The following TTC17 variants were observed in gnomAD, a reference collection of about 807,000 sequenced individuals.
TTC17 encodes the protein tetratricopeptide repeat protein 17.
Under a neutral mutation model 143.8 loss-of-function variants are expected in TTC17, and 58 were observed. That is an observed-to-expected ratio of 0.40 (90% CI 0.33 to 0.50). The LOEUF (loss-of-function observed/expected upper bound fraction) is 0.50. Among genes scored for constraint, TTC17 ranks in the 20% least tolerant of loss-of-function variants. TTC17 has a pLI of 0.49. For synonymous variants in TTC17, 501 were observed against 497.8 expected (o/e 1.01, Z -0.09); for missense variants, 1,273 against 1,392.5 (o/e 0.91, Z 1.37).
intron 1 of TTC17, among the ~76,000 whole-genome samples, chr11:43,365,031 C>T (rs1590300802): frequency 6.6e-6 from 1 of 151,834 alleles, no homozygotes; most frequent in African/African-American, 2.4e-5. Context: ...AAACTCCTGA[C>T]CTCAGGTGAT....
chr11:43,401,160 G>A (rs1262882080), intron 9 of TTC17, among the ~76,000 whole-genome samples: 3 of 152,248 alleles, frequency 2.0e-5, no homozygotes, highest in South Asian at 2.1e-4. Flanking sequence ...CTCTTAAAAC[G>A]ATGTAATCAC....
At chr11:43,487,810 C>T (rs997719663) in intron 21 of TTC17, among the ~76,000 whole-genome samples, 23 of 152,220 alleles carry the variant, frequency 1.5e-4, no homozygotes, top group African/African-American at 5.5e-4. Flanking sequence ...TTGGTCTCCC[C>T]TGAGACCTCT....
At chr11:43,410,907 A>T (rs757055927) in intron 15 of TTC17, among the ~76,000 whole-genome samples, 4 of 152,162 alleles carry the variant, frequency 2.6e-5, no homozygotes, top group South Asian at 2.1e-4. Flanking sequence ...TTCAAAATAT[A>T]CCTCAGATTT....
At chr11:43,479,270 T>G (rs1448908238) in intron 21 of TTC17, among the ~76,000 whole-genome samples, 3 of 152,156 alleles carry the variant, frequency 2.0e-5, no homozygotes, top group Non-Finnish European at 4.4e-5. Flanking sequence ...TCCTTTATTT[T>G]TGTATATACT....
In TTC17 at chr11:43,490,346, A is replaced by C; in HGVS notation, c.3138A>C (p.Pro1046=). 6.2e-7 allele frequency: 1 copy of C among 1,604,486 alleles called. No individual in the cohort carries two copies. Among genetic ancestry groups the C allele is most frequent in the Non-Finnish European group, 8.5e-7 (1 of 1,173,804 alleles). The change falls in exon 22 of 24, where the codon CCA becomes CCC. Residue 1046 remains proline (P), a synonymous_variant. Transcript: ENST00000039989. ...TCCGCCAGGCTCTGCACTATGCGCC[A>C]CACCAGATGAAGGTGAGTGGGACTC... The part of the protein sequence containing the change: ...DCLRQALHYA[P]HQMKDVPLIS...
intron 21 of TTC17, among the ~76,000 whole-genome samples, chr11:43,462,170 A>G (rs1197542819): frequency 6.6e-6 from 1 of 152,100 alleles, no homozygotes; most frequent in African/African-American, 2.4e-5. Flanking sequence ...TACTGGAGTT[A>G]AAGTGGAATA....
chr11:43,393,419 G>T (rs1289977902), intron 5 of TTC17, among the ~76,000 whole-genome samples: 2 of 151,628 alleles, frequency 1.3e-5, no homozygotes, highest in Non-Finnish European at 2.9e-5. Context: ...GGAATAGGGG[G>T]AAGGGGTGCA....
At chr11:43,492,964 C>A (rs1323401093) in intron 23 of TTC17, among the ~76,000 whole-genome samples, 1 of 152,226 alleles carries the variant, frequency 6.6e-6, no homozygotes, top group Non-Finnish European at 1.5e-5. Context: ...GTGAGCAGCC[C>A]TGGGCTACCA....
chr11:43,392,069 T>A, intron 5 of TTC17, 117 bp downstream of exon 5: 1 of 1,222,572 alleles, frequency 8.2e-7, no homozygotes, highest in Non-Finnish European at 1.1e-6. Flanking sequence ...GAAGACGATT[T>A]AAAATTACAC....
In TTC17 at chr11:43,444,109, T is replaced by C. The variant is rs76342567; in HGVS notation, c.2565T>C (p.Thr855=). The C allele has an allele frequency of 8.9e-4, 1,429 of 1,613,134 alleles. 14 individuals carry two copies. In the African/African-American group the frequency reaches 0.017, roughly 19 times the overall value. ...VKKPKGDHKK[T]PGKKVETGQI... ...AACCCAAAGGAGATCATAAGAAAAC[T>C]CCTGGGAAAAAAGTAGAAACAGGTC... is the stretch of plus-strand genomic sequence containing the variant. The change falls in exon 18 of 24, where the codon ACT becomes ACC. Residue 855 remains threonine, a synonymous_variant. Transcript: ENST00000039989.
intron 15 of TTC17, among the ~76,000 whole-genome samples, chr11:43,408,851 C>A (rs773665695): frequency 1.2e-4 from 19 of 152,098 alleles, no homozygotes; most frequent in Non-Finnish European, 2.2e-4. Context: ...AAGTAGTGCA[C>A]CCACCTCAGC....
rs575393350 is a variant in TTC17 at position 43,492,349 on chromosome 11, A to G, written c.3294+186A>G. Among the ~76,000 whole-genome samples the G allele has an allele frequency of 2.0e-5, 3 of 152,300 alleles. No individual in the cohort carries two copies. The East Asian group carries it at 5.8e-4, about 29-fold the overall frequency. On this transcript the variant is annotated intron_variant, in intron 23 of 23. Coordinates refer to ENST00000039989, the MANE Select transcript of TTC17 (RefSeq NM_018259.6). Reference sequence around the variant, plus strand: ...AGGTTTTTTAAAACATAATACATGAAATTCTTCTAAGTATTTGCAACTACG... The same window carrying G: ...AGGTTTTTTAAAACATAATACATGAGATTCTTCTAAGTATTTGCAACTACG...
intron 2 of TTC17, among the ~76,000 whole-genome samples, chr11:43,386,611 A>T (rs539958267): frequency 6.6e-6 from 1 of 152,330 alleles, no homozygotes; most frequent in South Asian, 2.1e-4. Flanking sequence ...AAAACAGTTG[A>T]TAAAGTTGCC....
Position 43,447,919 on chromosome 11 carries a change from GGTGAAGTAATCA to G in TTC17, c.2666-82_2666-71del, listed in dbSNP as rs1590438465. The G allele has an allele frequency of 5.2e-6, 8 of 1,535,044 alleles. No individual in the cohort carries two copies. The East Asian group carries it at 1.8e-4, about 35-fold the overall frequency. Reference sequence around the variant, plus strand: ...TAGCACCTCCAAATACACCAATCCAGGTGAAGTAATCACCAGGGCATAAGGCCCTTTGGGTTC... The same window carrying G: ...TAGCACCTCCAAATACACCAATCCAGCCAGGGCATAAGGCCCTTTGGGTTC... On this transcript the variant is annotated intron_variant, in intron 18 of 23. Coordinates refer to ENST00000039989, the MANE Select transcript of TTC17 (RefSeq NM_018259.6).
chr11:43,367,228 G>T (rs1253462911), intron 1 of TTC17, among the ~76,000 whole-genome samples: 1 of 152,150 alleles, frequency 6.6e-6, no homozygotes, highest in East Asian at 1.9e-4. Context: ...CAGAAAAGGT[G>T]CACAGTAGAT....
At chr11:43,367,316 C>T (rs191033384) in intron 1 of TTC17, among the ~76,000 whole-genome samples, 1 of 152,272 alleles carries the variant, frequency 6.6e-6, no homozygotes, top group African/African-American at 2.4e-5. Flanking sequence ...AAATCATCCT[C>T]GCTGTCTTTG....
In TTC17 at chr11:43,373,324, C is replaced by CTT. The variant is rs1358080544; in HGVS notation, c.160-5893_160-5892dup. ...TGACAAATTGACAGTTTAAAAGAAG[C>CTT]TTTTTTTTTTTTTTTTTGAGACAGA... On this transcript the variant is annotated intron_variant, in intron 1 of 23. Coordinates refer to ENST00000039989, the MANE Select transcript of TTC17 (RefSeq NM_018259.6). Among the ~76,000 whole-genome samples the CTT allele has an allele frequency of 6.0e-4, 81 of 134,792 alleles. 1 individual carries two copies. Among genetic ancestry groups the CTT allele is most frequent in the African/African-American group, 1.2e-3 (46 of 36,812 alleles). 88.4% of individuals were successfully genotyped at this position (134,792 alleles called of 152,430 possible). A position where few individuals can be genotyped will look rare whatever the true frequency, so the allele number is the denominator to read the frequency against.
intron 16 of TTC17, among the ~76,000 whole-genome samples, chr11:43,422,127 A>G (rs1048322647): frequency 2.0e-5 from 3 of 152,308 alleles, no homozygotes; most frequent in Admixed American, 6.5e-5. Flanking sequence ...CCTATTTGGA[A>G]TATATTTTGA....
intron 22 of TTC17, 123 bp downstream of exon 22, chr11:43,490,481 A>G: frequency 7.2e-7 from 1 of 1,396,318 alleles, no homozygotes; most frequent in Non-Finnish European, 9.4e-7. Context: ...CCAAGGAGAG[A>G]ATGGGGCAGG....
Sources: gnomAD v4.1 joint callset for allele counts (sites outside exome capture counted in the v4.1 genomes callset) on GRCh38, gnomAD v4.1.1 for gene constraint, MANE v1.5 for transcripts, NCBI Gene and HGNC (gene_info 2026-07-23, HGNC 2026-07-21) for gene names.